MYRIP: variants seen among roughly 807,000 people sequenced by gnomAD.
MYRIP encodes rab effector MyRIP.
In MYRIP, 49 loss-of-function variants were observed where a neutral mutation model predicts 98.0. The ratio of observed to expected loss-of-function variants is 0.50; its 90% CI spans 0.40 to 0.63. The LOEUF (loss-of-function observed/expected upper bound fraction) is 0.63, where lower values mean the gene tolerates loss of function less well. MYRIP is among the 30% of genes least tolerant of loss of function. The probability of loss-of-function intolerance (pLI) is 0.00; values close to 1 mark genes in which losing one functional copy is unlikely to be tolerated. For synonymous variants in MYRIP, 404 were observed against 409.5 expected, an observed-to-expected ratio of 0.99 and a Z score of 0.16; for missense variants, 1,004 against 1,058.2, an observed-to-expected ratio of 0.95 and a Z score of 0.71.
chr3:39,969,410 G>A (rs770016217), intron 2 of MYRIP, among the ~76,000 whole-genome samples: 1 of 152,126 alleles, frequency 6.6e-6, no homozygotes, highest in Non-Finnish European at 1.5e-5. Context: ...AGTTTTCAAG[G>A]GAAATGTTTC....
intron 2 of MYRIP, among the ~76,000 whole-genome samples, chr3:39,999,315 C>T (rs1257995332): frequency 1.3e-5 from 2 of 152,206 alleles, no homozygotes; most frequent in African/African-American, 2.4e-5. Flanking sequence ...CTACAATGAA[C>T]TCAAACAAAT....
chr3:39,920,902 T>C (rs1944289219), intron 2 of MYRIP, among the ~76,000 whole-genome samples: 1 of 152,182 alleles, frequency 6.6e-6, no homozygotes, highest in African/African-American at 2.4e-5. Flanking sequence ...GCCTCTTCAC[T>C]TTTAAGGCAT....
At chr3:40,146,398 G>T (rs989844417) in intron 3 of MYRIP, among the ~76,000 whole-genome samples, 33 of 152,304 alleles carry the variant, frequency 2.2e-4, no homozygotes, top group African/African-American at 7.2e-4. Flanking sequence ...TGTGAACATT[G>T]TATGTACTGA....
intron 11 of MYRIP, among the ~76,000 whole-genome samples, chr3:40,218,296 C>A (rs182446713): frequency 1.3e-5 from 2 of 151,966 alleles, no homozygotes; most frequent in East Asian, 3.9e-4. Context: ...CAGCATTATG[C>A]TGCGGGAAAA....
At chr3:39,858,731 A>G (rs189119687) in intron 1 of MYRIP, among the ~76,000 whole-genome samples, 29 of 152,292 alleles carry the variant, frequency 1.9e-4, no homozygotes, top group Non-Finnish European at 3.1e-4. Flanking sequence ...AATTAATAAC[A>G]GGAGGAAAAT....
At chr3:40,217,406 T>G (rs190618489) in intron 11 of MYRIP, among the ~76,000 whole-genome samples, 1 of 152,318 alleles carries the variant, frequency 6.6e-6, no homozygotes, top group African/African-American at 2.4e-5. Context: ...AGTCTAAGAA[T>G]GTAATAATAT....
At chr3:40,166,517 C>G (rs555266512) in intron 5 of MYRIP, among the ~76,000 whole-genome samples, 24 of 148,956 alleles carry the variant, frequency 1.6e-4, no homozygotes, top group African/African-American at 6.2e-4. Context: ...CTGAAGGGAT[C>G]CGAGAAGATT....
At chr3:39,971,976 A>C (rs4591446) in intron 2 of MYRIP, among the ~76,000 whole-genome samples, 73,742 of 151,808 alleles carry the variant, frequency 0.49, 19,098 homozygotes, top group African/African-American at 0.69. Flanking sequence ...CATTTACAAC[A>C]TTCCTGAGCA....
intron 3 of MYRIP, among the ~76,000 whole-genome samples, chr3:40,119,687 A>G (rs1346078053): frequency 6.6e-6 from 1 of 152,110 alleles, no homozygotes; most frequent in African/African-American, 2.4e-5. Flanking sequence ...CAAACACCAC[A>G]TGTTCTCATT....
At chr3:39,964,848 G>T (rs1945403523) in intron 2 of MYRIP, among the ~76,000 whole-genome samples, 1 of 152,048 alleles carries the variant, frequency 6.6e-6, no homozygotes, top group East Asian at 1.9e-4. Context: ...CATTTAATAT[G>T]TGTATTCATC....
chr3:40,203,032 C>T (rs1343413887), intron 10 of MYRIP, among the ~76,000 whole-genome samples: 3 of 151,984 alleles, frequency 2.0e-5, no homozygotes, highest in Non-Finnish European at 2.9e-5. Context: ...CAGGTTCAAG[C>T]GATTCTCCTG....
rs977268867 is a variant in MYRIP, at chr3:40,087,677, A to G, written c.332+43406A>G. Among the ~76,000 whole-genome samples, 4 of 152,176 alleles carry G rather than the reference A, an allele frequency of 2.6e-5. No homozygotes were observed. In the East Asian group the frequency reaches 7.7e-4, roughly 29 times the overall value. ...CTATGTAAATACTACTACCTTGTAC[A>G]TTGTTAAGCTGCCAACATGTCATCA... On this transcript the variant is annotated intron_variant, in intron 3 of 16. Coordinates refer to ENST00000302541, the MANE Select transcript of MYRIP (RefSeq NM_015460.4).
intron 3 of MYRIP, among the ~76,000 whole-genome samples, chr3:40,144,877 G>A (rs959787117): frequency 3.3e-5 from 5 of 152,134 alleles, no homozygotes; most frequent in African/African-American, 1.2e-4. Context: ...GTGCATGATT[G>A]CAAGCTCCCA....
chr3:40,010,974 T>A (rs1946749557), intron 2 of MYRIP, among the ~76,000 whole-genome samples: 1 of 151,870 alleles, frequency 6.6e-6, no homozygotes, highest in Non-Finnish European at 1.5e-5. Flanking sequence ...CTCTTTTACA[T>A]AAAAAAAATC....
rs1559456894 is a variant in MYRIP, at chr3:40,212,241, C to CGT, written c.1905+2148_1905+2149insGT. The stretch of plus-strand genomic sequence containing the variant: ...ATATATATATACACACACACACACA[C>CGT]ACACATATATATATATACACGTATA... On this transcript the variant is annotated intron_variant, in intron 11 of 16. Coordinates refer to ENST00000302541, the MANE Select transcript of MYRIP (RefSeq NM_015460.4). Among the ~76,000 whole-genome samples, 95 of 18,310 alleles carry CGT rather than the reference C, an allele frequency of 5.2e-3. 28 individuals carry two copies. Among genetic ancestry groups the CGT allele is most frequent in the Middle Eastern group, 0.059 (2 of 34 alleles). The allele number at this position is 18,310 out of a possible 152,430, so 12.0% of individuals were successfully genotyped here.
At chr3:39,953,051 C>T (rs1026011618) in intron 2 of MYRIP, among the ~76,000 whole-genome samples, 1 of 152,140 alleles carries the variant, frequency 6.6e-6, no homozygotes, top group Admixed American at 6.6e-5. Context: ...TCTGGAATTG[C>T]TGCTGTTTCT....
At chr3:40,249,924 C>A (rs1051305695) in intron 13 of MYRIP, among the ~76,000 whole-genome samples, 2 of 152,174 alleles carry the variant, frequency 1.3e-5, no homozygotes, top group Non-Finnish European at 2.9e-5. Flanking sequence ...CAGGTGGCCC[C>A]GGGCCAGGGT....
In MYRIP at chr3:39,841,324, C is replaced by T. The variant is rs145036234; in HGVS notation, c.-31+31408C>T. ...CAGGTCACTTATGTTCTTCTCTAAA[C>T]TGGTTATTGTAGTTAGCAGTTCCTG... On this transcript the variant is annotated intron_variant, in intron 1 of 16. Transcript: ENST00000302541. Among the ~76,000 whole-genome samples, 623 of 152,190 alleles carry T rather than the reference C, an allele frequency of 4.1e-3. 5 individuals are homozygous for T. The highest frequency in any genetic ancestry group is 0.014 in the African/African-American group (597 of 41,536).
intron 12 of MYRIP, among the ~76,000 whole-genome samples, chr3:40,234,325 C>G (rs929269932): frequency 1.3e-5 from 2 of 152,288 alleles, no homozygotes; most frequent in East Asian, 3.9e-4. Context: ...AGAATCCAAG[C>G]AAGGACATGA....
Sources: allele counts gnomAD v4.1 joint callset (sites outside exome capture counted in the v4.1 genomes callset), GRCh38; gene constraint gnomAD v4.1.1; transcripts MANE v1.5; gene names NCBI Gene and HGNC (gene_info 2026-07-23, HGNC 2026-07-21).